PER3: variants seen among roughly 807,000 people sequenced by gnomAD.
PER3 encodes the protein period circadian regulator 3, also known as period circadian protein homolog 3.
Under a neutral mutation model 127.2 loss-of-function variants are expected in PER3, and 107 were observed. That is an observed-to-expected ratio of 0.84 (90% CI 0.72 to 0.99). The LOEUF (loss-of-function observed/expected upper bound fraction) is 0.99, where lower values mean the gene tolerates loss of function less well. Ranked by LOEUF, PER3 falls within the 50% of genes least tolerant of loss-of-function variation. PER3 has a pLI of 0.00. For synonymous variants in PER3, 618 were observed against 585.8 expected (o/e 1.05, Z -0.79); for missense variants, 1,560 against 1,525.8 (o/e 1.02, Z -0.37).
In PER3 at chr1:7,837,064, A is replaced by G. The variant is rs765348024; in HGVS notation, c.3464A>G (p.Gln1155Arg). ...KLESMRQQQP[Q>R]FSHGQKEELA... is the part of the protein sequence containing the mutation. ...GAAAGTATGAGGCAGCAGCAGCCCC[A>G]GTTTTCTCATGGGCAAAAGGAGGAG... The change falls in exon 21 of 22, where the codon CAG becomes CGG. Residue 1155 changes from glutamine (Q) to arginine (R), a missense_variant. Around this residue, in one of 3 missense-constraint regions of PER3, gnomAD observed 199 missense variants for 198.6 expected, o/e 1.00. Transcript: ENST00000377532. 1 of 1,613,710 alleles carries G rather than the reference A, an allele frequency of 6.2e-7. No homozygotes were observed. Among genetic ancestry groups the G allele is most frequent in the African/African-American group, 1.3e-5 (1 of 74,930 alleles).
At chr1:7,842,612 T>C (rs1312843615) in intron 21 of PER3, 60 bp from the exon 22 acceptor site, 1 of 1,593,068 alleles carries the variant, frequency 6.3e-7, no homozygotes, top group Non-Finnish European at 8.6e-7. Context: ...TTTTACTGTT[T>C]TAAAACTCTT....
Position 7,784,871 on chromosome 1 carries a change from C to A in PER3, c.-7C>A. 6.7e-7 allele frequency: 1 copy of A among 1,494,844 alleles called. No homozygotes were observed. Among genetic ancestry groups the A allele is most frequent in the Non-Finnish European group, 8.8e-7 (1 of 1,133,778 alleles). 92.6% of individuals were successfully genotyped at this position (1,494,844 alleles called of 1,614,324 possible). On this transcript the variant is annotated 5_prime_UTR_variant, in exon 2 of 22. Coordinates refer to ENST00000377532, the MANE Select transcript of PER3 (RefSeq NM_001377275.1). Reference sequence around the variant, plus strand: ...AGCACGACGTGGAGCCCCGCGGAGACCTCGAGATGCCCCGCGGGGAAGCTC... The same window carrying A: ...AGCACGACGTGGAGCCCCGCGGAGAACTCGAGATGCCCCGCGGGGAAGCTC...
In PER3 at chr1:7,810,586, G is replaced by A. The variant is rs762656288; in HGVS notation, c.1520G>A (p.Gly507Asp). The change falls in exon 13 of 22, where the codon GGT becomes GAT. Residue 507 changes from glycine to aspartate, a missense_variant and splice_region_variant. Around this residue, in one of 3 missense-constraint regions of PER3, gnomAD observed 1,332 missense variants for 1,223.6 expected, o/e 1.09. Coordinates refer to ENST00000377532, the MANE Select transcript of PER3 (RefSeq NM_001377275.1). The stretch of plus-strand genomic sequence containing the variant: ...GGTGGTGGTGAGTCAGCGAATGGTG[G>A]TGGTGAGTCAGCCGGCAGCCCCAAG... ...PNGGGESANGGGECKTFTSFH... is the reference protein window; with the variant it reads ...PNGGGESANGDGECKTFTSFH... The A allele has an allele frequency of 1.2e-6, 2 of 1,607,138 alleles. No individual in the cohort carries two copies. Among genetic ancestry groups the A allele is most frequent in the South Asian group, 1.1e-5 (1 of 89,814 alleles).
chr1:7,832,074 C>T (rs2097333810), intron 19 of PER3, among the ~76,000 whole-genome samples: 1 of 151,988 alleles, frequency 6.6e-6, no homozygotes, highest in Non-Finnish European at 1.5e-5. Flanking sequence ...ATATATGGGT[C>T]TAATCAGGTT....
intron 19 of PER3, among the ~76,000 whole-genome samples, chr1:7,835,090 G>A (rs1046757603): frequency 9.9e-5 from 15 of 152,088 alleles, no homozygotes; most frequent in Non-Finnish European, 1.6e-4. Flanking sequence ...TTAAAAAATA[G>A]GTGAGATTGA....
intron 21 of PER3, among the ~76,000 whole-genome samples, chr1:7,842,361 G>A (rs927672450): frequency 5.3e-5 from 8 of 152,048 alleles, no homozygotes; most frequent in Admixed American, 3.3e-4. Flanking sequence ...TTAGCTGGGC[G>A]CGGTGGTGGG....
chr1:7,799,811 T>G (rs1214511249), intron 7 of PER3, among the ~76,000 whole-genome samples: 1 of 152,092 alleles, frequency 6.6e-6, no homozygotes, highest in Admixed American at 6.5e-5. Context: ...GCTCTGTCAC[T>G]CAGGCTGGAG....
chr1:7,826,879 G>A lies in PER3; in HGVS notation c.2188+169G>A, dbSNP rs527992523. 3.9e-5 allele frequency among the ~76,000 whole-genome samples: 6 copies of A among 152,196 alleles called. No individual in the cohort carries two copies. Among genetic ancestry groups the A allele is most frequent in the African/African-American group, 7.2e-5 (3 of 41,536 alleles). The stretch of plus-strand genomic sequence containing the variant: ...AACAGTTTATGTAAGTTCTTTGTTA[G>A]ATCCTAGATCTGAGAAACTTTTTTG... On this transcript the variant is annotated intron_variant, in intron 17 of 21. Transcript: ENST00000377532. This position sits in a 1 kb window ranked among gnomAD's most constrained non-coding sequence, Gnocchi z 4.2.
intron 20 of PER3, chr1:7,836,705 G>T: frequency 8.2e-6 from 2 of 243,116 alleles, no homozygotes; most frequent in East Asian, 1.6e-4. Flanking sequence ...TGGCACACAA[G>T]TACAAGAACT....
At chr1:7,797,125 T>G (rs147129268) in intron 6 of PER3, among the ~76,000 whole-genome samples, 98 of 152,242 alleles carry the variant, frequency 6.4e-4, no homozygotes, top group African/African-American at 2.2e-3. Flanking sequence ...TAAATGGCAT[T>G]TAAAACCTTT....
At position 7,813,966 on chromosome 1, in the gene PER3, G is replaced by A. The variant is rs1055256477; in HGVS notation, c.1522+3378G>A. Among the ~76,000 whole-genome samples the A allele has an allele frequency of 3.9e-5, 6 of 152,180 alleles. No individual in the cohort carries two copies. In the East Asian group the frequency reaches 5.8e-4, roughly 15 times the overall value. On this transcript the variant is annotated intron_variant, in intron 13 of 21. Transcript: ENST00000377532. Reference sequence around the variant, plus strand: ...GACAAAGTGGGCACCATGCAGGACCGGGTGGGTAATCACAGCGTAGAGATG... The same window carrying A: ...GACAAAGTGGGCACCATGCAGGACCAGGTGGGTAATCACAGCGTAGAGATG...
chr1:7,835,765 G>A lies in PER3; in HGVS notation c.3218G>A (p.Ser1073Asn), dbSNP rs1182915741. ...ATGTGTTGTTGATTTTTGACAGGAAGCAGCGACAGCAGTATATACCTTACT... is the reference window on the plus strand; with the variant it reads ...ATGTGTTGTTGATTTTTGACAGGAAACAGCGACAGCAGTATATACCTTACT... Reference protein sequence around the residue: ...PSRTGSAASGSSDSSIYLTSS... With the variant: ...PSRTGSAASGNSDSSIYLTSS... The change falls in exon 20 of 22, where the codon AGC becomes AAC. Residue 1073 changes from serine to asparagine, a missense_variant. Physicochemically the swap from Ser to Asn is conservative, Grantham distance 46. Coordinates refer to ENST00000377532, the MANE Select transcript of PER3 (RefSeq NM_001377275.1). The A allele has an allele frequency of 5.0e-6, 8 of 1,598,898 alleles. No homozygotes were observed. The South Asian group carries it at 7.8e-5, about 16-fold the overall frequency.
chr1:7,791,444 A>T (rs1033150318), intron 5 of PER3, among the ~76,000 whole-genome samples: 1 of 152,246 alleles, frequency 6.6e-6, no homozygotes, highest in African/African-American at 2.4e-5. Context: ...TGCACAGAGC[A>T]GTGGGGGCCT....
intron 6 of PER3, among the ~76,000 whole-genome samples, chr1:7,795,656 C>T (rs1036956644): frequency 3.3e-5 from 5 of 152,086 alleles, no homozygotes; most frequent in African/African-American, 4.8e-5. Context: ...GAGGAAGGAA[C>T]GAGGATGGAA....
chr1:7,828,294 C>T (rs951625469), intron 18 of PER3, among the ~76,000 whole-genome samples: 6 of 152,166 alleles, frequency 3.9e-5, no homozygotes, highest in Non-Finnish European at 7.3e-5. Flanking sequence ...TATTTGTTAT[C>T]AGTAGAGTAG....
At chr1:7,786,603 G>A in intron 3 of PER3, 118 bp from the exon 4 acceptor site, 2 of 577,868 alleles carry the variant, frequency 3.5e-6, no homozygotes, top group Non-Finnish European at 3.2e-6. Context: ...CTGTTTTTGA[G>A]AAAAATGCAC....
chr1:7,805,954 G>T (rs1010771812), intron 10 of PER3, among the ~76,000 whole-genome samples: 1 of 152,072 alleles, frequency 6.6e-6, no homozygotes, highest in African/African-American at 2.4e-5. Context: ...AAGGATTTAA[G>T]GTCTAGTAGG....
Position 7,784,897 on chromosome 1 carries a change from C to G in PER3, c.20C>G (p.Pro7Arg). ...CTCGAGATGCCCCGCGGGGAAGCTC[C>G]TGGCCCCGGGAGACGGGGGGCTAAG... MPRGEA[P>R]GPGRRGAKDE... Residue 7 changes from proline to arginine, a missense_variant, in exon 2 of 22, where the codon CCT (proline) becomes CGT (arginine). This residue lies in a region of PER3 where 1,332 missense variants were observed against 1,223.6 expected (regional missense o/e 1.09). Transcript: ENST00000377532. 1 of 1,520,148 alleles carries G rather than the reference C, an allele frequency of 6.6e-7. No homozygotes were observed. Among genetic ancestry groups the G allele is most frequent in the Non-Finnish European group, 8.7e-7 (1 of 1,146,490 alleles). 94.2% of individuals were successfully genotyped at this position (1,520,148 alleles called of 1,614,324 possible).
intron 13 of PER3, among the ~76,000 whole-genome samples, chr1:7,812,636 A>AAAAAAAAAAAAC (rs2097224990): frequency 6.6e-6 from 1 of 150,816 alleles, no homozygotes; most frequent in African/African-American, 2.4e-5. Flanking sequence ...AAAAAAAAAA[A>AAAAAAAAAAAAC]AAAAAAAAAA....
Sources: gnomAD v4.1 joint callset for allele counts (sites outside exome capture counted in the v4.1 genomes callset) on GRCh38, gnomAD v4.1.1 for gene constraint, gnomAD v4.1.1 regional missense constraint, Gnocchi (gnomAD v3.1) non-coding constraint, MANE v1.5 for transcripts, NCBI Gene and HGNC (gene_info 2026-07-23, HGNC 2026-07-21) for gene names.